The following FAT3 variants were observed in gnomAD, a reference collection of about 807,000 sequenced individuals.
FAT3 encodes protocadherin Fat 3.
In FAT3, 95 loss-of-function variants were observed where a neutral mutation model predicts 310.2. The ratio of observed to expected loss-of-function variants is 0.31; its 90% confidence interval spans 0.26 to 0.36. FAT3 has a LOEUF of 0.36. FAT3 is among the 10% of genes least tolerant of loss of function. The pLI, the probability that FAT3 is intolerant of heterozygous loss-of-function variation, is 1.00. For synonymous variants in FAT3, 2,314 were observed against 2,192.9 expected, an observed-to-expected ratio of 1.06 and a Z score of -1.54; for missense variants, 5,408 against 5,715.6, an observed-to-expected ratio of 0.95 and a Z score of 1.74.
intron 1 of FAT3, among the ~76,000 whole-genome samples, chr11:92,302,178 A>T (rs972835167): frequency 3.9e-5 from 6 of 152,148 alleles, no homozygotes; most frequent in Non-Finnish European, 5.9e-5. Flanking sequence ...TTATTAGTGT[A>T]GGTGCTAGAA....
intron 3 of FAT3, among the ~76,000 whole-genome samples, chr11:92,530,635 C>A (rs1462131909): frequency 2.0e-5 from 3 of 151,910 alleles, no homozygotes; most frequent in African/African-American, 7.3e-5. Flanking sequence ...TGTATTATTT[C>A]CAAATAGGTA....
chr11:92,873,016 C>A (rs971144984), intron 22 of FAT3, among the ~76,000 whole-genome samples: 1 of 152,146 alleles, frequency 6.6e-6, no homozygotes, highest in Non-Finnish European at 1.5e-5. Flanking sequence ...AATAAAAAAA[C>A]TCCCATGATT....
At chr11:92,849,973 G>A (rs936247877) in intron 19 of FAT3, among the ~76,000 whole-genome samples, 1 of 152,162 alleles carries the variant, frequency 6.6e-6, no homozygotes. Flanking sequence ...GGTAAAGCAG[G>A]CCTGCTGACA....
intron 3 of FAT3, among the ~76,000 whole-genome samples, chr11:92,604,456 T>A (rs1453670823): frequency 6.6e-6 from 1 of 152,126 alleles, no homozygotes; most frequent in Non-Finnish European, 1.5e-5. Context: ...TAGTTGATAA[T>A]CCTCCCTGGG....
intron 3 of FAT3, among the ~76,000 whole-genome samples, chr11:92,591,689 AAAGCTCATGACAG>A (rs1343591044): frequency 6.6e-6 from 1 of 152,194 alleles, no homozygotes; most frequent in African/African-American, 2.4e-5. Flanking sequence ...GCTATTTTAC[AAAGCTCATGACAG>A]AAGCTTAAAA....
chr11:92,416,044 C>G (rs1950403213), intron 2 of FAT3, among the ~76,000 whole-genome samples: 1 of 136,626 alleles, frequency 7.3e-6, no homozygotes, highest in African/African-American at 2.8e-5. Context: ...AGCCAACCAT[C>G]TCCACACAGG....
At chr11:92,855,980 CTTTT>C (rs58995060) in intron 19 of FAT3, among the ~76,000 whole-genome samples, 7 of 129,202 alleles carry the variant, frequency 5.4e-5, no homozygotes, top group Admixed American at 1.6e-4. Flanking sequence ...GGACAATATG[CTTTT>C]TTTTTTTTTT....
At chr11:92,792,080 C>G (rs1425302457) in intron 8 of FAT3, among the ~76,000 whole-genome samples, 1 of 152,206 alleles carries the variant, frequency 6.6e-6, no homozygotes, top group Non-Finnish European at 1.5e-5. Context: ...CTACCACCAC[C>G]ATTTTACCAC....
chr11:92,711,075 C>A (rs2135947996), intron 4 of FAT3, among the ~76,000 whole-genome samples: 1 of 152,062 alleles, frequency 6.6e-6, no homozygotes, highest in African/African-American at 2.4e-5. Context: ...TGAATAAAAA[C>A]ATTTAATAAT....
intron 1 of FAT3, among the ~76,000 whole-genome samples, chr11:92,294,299 C>T (rs544597622): frequency 5.3e-5 from 8 of 152,196 alleles, no homozygotes; most frequent in African/African-American, 1.9e-4. Flanking sequence ...ACCTTAATTA[C>T]TTCCATAAAG....
intron 1 of FAT3, among the ~76,000 whole-genome samples, chr11:92,311,661 G>A (rs1046820529): frequency 5.3e-5 from 8 of 152,192 alleles, no homozygotes; most frequent in Admixed American, 4.6e-4. Flanking sequence ...CTGGGTGAAA[G>A]GAGGACACTA....
In FAT3 at chr11:92,891,051, G is replaced by A. The variant is rs1949908782; in HGVS notation, c.13708G>A (p.Glu4570Lys). 7 of 1,613,842 alleles carry A rather than the reference G, an allele frequency of 4.3e-6. No individual in the cohort carries two copies. The highest frequency in any genetic ancestry group is 5.9e-6 in the Non-Finnish European group (7 of 1,179,856). Residue 4570 changes from glutamate to lysine, a missense_variant, in exon 28 of 28, where the codon GAG (glutamate) becomes AAG (lysine). Around this residue, in one of 5 missense-constraint regions of FAT3, gnomAD observed 649 missense variants for 666.2 expected, o/e 0.97. Coordinates refer to ENST00000525166, the MANE Select transcript of FAT3 (RefSeq NM_001367949.2). Reference protein sequence around the residue: ...VAMSDYESVGELSLASLHIPF... With the variant: ...VAMSDYESVGKLSLASLHIPF... ...CATGAGTGACTACGAGAGCGTGGGA[G>A]AGCTCAGCCTCGCCAGCCTTCACAT...
At chr11:92,302,655 T>A (rs1591076700) in intron 1 of FAT3, among the ~76,000 whole-genome samples, 1 of 152,204 alleles carries the variant, frequency 6.6e-6, no homozygotes, top group East Asian at 1.9e-4. Context: ...TTTTTTTTCA[T>A]ACTGGCAGAA....
chr11:92,385,409 C>G (rs1016260216), intron 2 of FAT3, among the ~76,000 whole-genome samples: 1 of 151,996 alleles, frequency 6.6e-6, no homozygotes, highest in Non-Finnish European at 1.5e-5. Context: ...GCTCTGTTGC[C>G]CAGGCTGGGG....
In FAT3 at chr11:92,799,382, G is replaced by C. The variant is rs372266281; in HGVS notation, c.6369G>C (p.Leu2123=). Residue 2123 remains leucine (L), a synonymous_variant, in exon 10 of 28, where the codon CTG becomes CTC. Coordinates refer to ENST00000525166, the MANE Select transcript of FAT3 (RefSeq NM_001367949.2). ...KGPNGEVTYV[L]QDDYGHFEIN... is the part of the protein sequence containing the mutation. ...CAAATGGAGAAGTGACCTATGTCCT[G>C]CAGGATGACTATGGCCACTTTGAAA... 7.4e-6 allele frequency: 12 copies of C among 1,613,648 alleles called. No homozygotes were observed. The highest frequency in any genetic ancestry group is 1.3e-5 in the African/African-American group (1 of 74,908).
intron 2 of FAT3, among the ~76,000 whole-genome samples, chr11:92,522,965 C>G (rs1035845912): frequency 6.6e-6 from 1 of 152,172 alleles, no homozygotes; most frequent in Admixed American, 6.5e-5. Context: ...GCCTTCCCCT[C>G]TTGGAAAAGA....
rs369385141 is a variant in FAT3, at chr11:92,559,666, G to T, written c.3607+34718G>T. ...ACTGGAATTACAGGCATGAGCCACT[G>T]TGCCCAGCCCTTATGCTGGACATTT... is the stretch of plus-strand genomic sequence containing the variant. On this transcript the variant is annotated intron_variant, in intron 3 of 27. Coordinates refer to ENST00000525166, the MANE Select transcript of FAT3 (RefSeq NM_001367949.2). 2.3e-4 allele frequency: 38 copies of T among 166,046 alleles called. 1 individual carries two copies. In the East Asian group the frequency reaches 5.9e-3, roughly 26 times the overall value. The allele number at this position is 166,046 out of a possible 1,614,324, so 10.3% of individuals were successfully genotyped here.
At chr11:92,586,329 C>T (rs565384403) in intron 3 of FAT3, among the ~76,000 whole-genome samples, 1 of 152,034 alleles carries the variant, frequency 6.6e-6, no homozygotes, top group African/African-American at 2.4e-5. Flanking sequence ...TATAGCACAG[C>T]CTGCAGTCTT....
At chr11:92,517,118 T>C (rs957651948) in intron 2 of FAT3, among the ~76,000 whole-genome samples, 11 of 152,138 alleles carry the variant, frequency 7.2e-5, no homozygotes, top group Non-Finnish European at 1.3e-4. Flanking sequence ...CTTCAAAGAA[T>C]TGGAAAAAAC....
Sources: gnomAD v4.1 joint callset for allele counts (sites outside exome capture counted in the v4.1 genomes callset) on GRCh38, gnomAD v4.1.1 for gene constraint, gnomAD v4.1.1 regional missense constraint, MANE v1.5 for transcripts, NCBI Gene and HGNC (gene_info 2026-07-23, HGNC 2026-07-21) for gene names.